ADGRL4: variants seen among roughly 807,000 people sequenced by gnomAD.
The protein encoded by ADGRL4 is EGF, latrophilin and seven transmembrane domain containing 1.
In ADGRL4, 90 loss-of-function variants were observed where a neutral mutation model predicts 74.8. That is an observed-to-expected ratio of 1.20 (90% CI 1.02 to 1.43). The LOEUF is 1.43. Among genes scored for constraint, ADGRL4 ranks in the 40% most tolerant of loss-of-function variants. The pLI, the probability that ADGRL4 is intolerant of heterozygous loss-of-function variation, is 0.00. For missense variants in ADGRL4, 881 were observed against 814.3 expected, an observed-to-expected ratio of 1.08 and a Z score of -1.00; for synonymous variants, 311 against 279.2, an observed-to-expected ratio of 1.11 and a Z score of -1.14.
In ADGRL4 at chr1:78,989,473, TTTG is replaced by T. The variant is rs1417949990; in HGVS notation, c.172+15594_172+15596del. Among the ~76,000 whole-genome samples, 3 of 149,604 alleles carry T rather than the reference TTTG, an allele frequency of 2.0e-5. No homozygotes were observed. In the East Asian group the frequency reaches 6.7e-4, roughly 34 times the overall value. On this transcript the variant is annotated intron_variant, in intron 2 of 14. Coordinates refer to ENST00000370742, the MANE Select transcript of ADGRL4 (RefSeq NM_022159.4). ...CTTTAATAATTAAATAAATTTTTAT[TTTG>T]TTTTTTTTCCTTTGGACACAGTGAG...
At chr1:78,921,411 C>A (rs551076402) in intron 9 of ADGRL4, among the ~76,000 whole-genome samples, 1 of 147,422 alleles carries the variant, frequency 6.8e-6, no homozygotes, top group African/African-American at 2.5e-5. Flanking sequence ...TAGAAATAAT[C>A]TTAAATGCAT....
chr1:78,999,843 C>T lies in ADGRL4; in HGVS notation c.172+5227G>A, dbSNP rs57758424. Among the ~76,000 whole-genome samples, 819 of 119,620 alleles carry T rather than the reference C, an allele frequency of 6.8e-3. 9 individuals carry two copies. The highest frequency in any genetic ancestry group is 0.026 in the Admixed American group (326 of 12,440). The allele number at this position is 119,620 out of a possible 152,430, so 78.5% of individuals were successfully genotyped here. On this transcript the variant is annotated intron_variant, in intron 2 of 14. Transcript: ENST00000370742. The stretch of plus-strand genomic sequence containing the variant: ...ATCTATCTATCTATCTATCTATCTA[C>T]CTACCTACCTACCTATCAACTTTAT...
chr1:78,893,057 C>CAAAAA, intron 13 of ADGRL4, 41 bp downstream of exon 13: 1 of 756,078 alleles, frequency 1.3e-6, no homozygotes, highest in Non-Finnish European at 2.0e-6. Flanking sequence ...CTTTTAATTA[C>CAAAAA]CAAAAAAAAA....
At chr1:78,903,962 TAAATAAATAAATA>T (rs796185408) in intron 12 of ADGRL4, among the ~76,000 whole-genome samples, 5,567 of 124,702 alleles carry the variant, frequency 0.045, 141 homozygotes, top group South Asian at 0.11. Flanking sequence ...AATAAATAAA[TAAATAAATAAATA>T]AATAATAATA....
At chr1:79,006,300 G>A (rs1011480389) in intron 1 of ADGRL4, among the ~76,000 whole-genome samples, 1 of 152,078 alleles carries the variant, frequency 6.6e-6, no homozygotes, top group African/African-American at 2.4e-5. Flanking sequence ...AATCTGGCCC[G>A]GCAATCCCCT....
chr1:78,930,982 T>A (rs1350820599), intron 7 of ADGRL4, among the ~76,000 whole-genome samples: 3 of 151,270 alleles, frequency 2.0e-5, no homozygotes, highest in African/African-American at 7.4e-5. Context: ...ATACAAAGAC[T>A]AAGAAAAATA....
chr1:78,917,593 T>A (rs1303402320), intron 12 of ADGRL4, 41 bp downstream of exon 12: 2 of 1,352,780 alleles, frequency 1.5e-6, no homozygotes, highest in East Asian at 4.8e-5. Flanking sequence ...CCTATGATCA[T>A]CACTTTTTTG....
chr1:78,972,210 C>A (rs1237948708), intron 2 of ADGRL4, among the ~76,000 whole-genome samples: 1 of 152,184 alleles, frequency 6.6e-6, no homozygotes. Flanking sequence ...AATCCTATCT[C>A]TATTCATGTA....
chr1:78,908,716 C>T (rs1230917176), intron 12 of ADGRL4, among the ~76,000 whole-genome samples: 1 of 151,874 alleles, frequency 6.6e-6, no homozygotes, highest in East Asian at 1.9e-4. Flanking sequence ...CAATGTAAAG[C>T]TACATTTATA....
intron 2 of ADGRL4, among the ~76,000 whole-genome samples, chr1:78,982,650 A>G (rs1193363684): frequency 6.6e-6 from 1 of 151,952 alleles, no homozygotes; most frequent in Admixed American, 6.6e-5. Flanking sequence ...TTCTCCAACA[A>G]AACATCTAGA....
intron 1 of ADGRL4, 107 bp downstream of exon 1, chr1:79,006,518 CGGAGATTT>C: frequency 8.3e-7 from 1 of 1,206,724 alleles, no homozygotes; most frequent in Non-Finnish European, 1.2e-6. Context: ...CAATTCTCCT[CGGAGATTT>C]TGCCAAATAC....
chr1:78,932,245 A>G (rs1649257920), intron 7 of ADGRL4, among the ~76,000 whole-genome samples: 1 of 151,522 alleles, frequency 6.6e-6, no homozygotes, highest in Non-Finnish European at 1.5e-5. Flanking sequence ...CAGTGCATTC[A>G]AATTAGAATG....
At chr1:78,945,196 A>ATATATATATCTC (rs1553136479) in intron 3 of ADGRL4, among the ~76,000 whole-genome samples, 2 of 148,222 alleles carry the variant, frequency 1.3e-5, no homozygotes, top group African/African-American at 4.9e-5. Context: ...ATATATATAT[A>ATATATATATCTC]TCTCAATAGG....
chr1:79,001,179 G>A (rs1231407449), intron 2 of ADGRL4, among the ~76,000 whole-genome samples: 1 of 95,374 alleles, frequency 1.0e-5, no homozygotes, highest in Admixed American at 9.8e-5. Context: ...AGGGAGAGGG[G>A]GGGGAGGGAG....
chr1:78,965,766 C>A (rs1207067512), intron 2 of ADGRL4, among the ~76,000 whole-genome samples: 1 of 152,046 alleles, frequency 6.6e-6, no homozygotes, highest in Non-Finnish European at 1.5e-5. Context: ...ACATTGCCCC[C>A]ATTTTATAGA....
intron 2 of ADGRL4, among the ~76,000 whole-genome samples, chr1:78,984,183 T>C (rs1022875692): frequency 2.0e-5 from 3 of 151,774 alleles, no homozygotes; most frequent in Non-Finnish European, 2.9e-5. Flanking sequence ...CTTATCACTA[T>C]TGTTACTATT....
At chr1:78,976,633 AT>A (rs1228869752) in intron 2 of ADGRL4, among the ~76,000 whole-genome samples, 1 of 151,684 alleles carries the variant, frequency 6.6e-6, no homozygotes, top group Non-Finnish European at 1.5e-5. Flanking sequence ...AACTTAAAAT[AT>A]TTACTTTCTG....
At chr1:78,983,655 T>C (rs1570271193) in intron 2 of ADGRL4, among the ~76,000 whole-genome samples, 1 of 151,832 alleles carries the variant, frequency 6.6e-6, no homozygotes, top group Non-Finnish European at 1.5e-5. Context: ...GAGAAAGTTA[T>C]TATTTTAAGA....
intron 2 of ADGRL4, among the ~76,000 whole-genome samples, chr1:78,951,735 T>A (rs1003771314): frequency 1.3e-5 from 2 of 152,214 alleles, no homozygotes; most frequent in African/African-American, 4.8e-5. Context: ...GGTTAAATCA[T>A]GCTAGCGTAG....
Sources: gnomAD v4.1 joint callset for allele counts (sites outside exome capture counted in the v4.1 genomes callset) on GRCh38, gnomAD v4.1.1 for gene constraint, MANE v1.5 for transcripts, NCBI Gene and HGNC (gene_info 2026-07-23, HGNC 2026-07-21) for gene names.